ARL15: variants seen among roughly 807,000 people sequenced by gnomAD.
ARL15 encodes ADP-ribosylation factor-like protein 15.
ARL15 carries 19 observed loss-of-function variants against 25.2 expected under a neutral mutation model. The observed-to-expected ratio is 0.75, with a 90% CI of 0.53 to 1.10. The LOEUF (loss-of-function observed/expected upper bound fraction) is 1.10. Among genes scored for constraint, ARL15 ranks in the 50% least tolerant of loss-of-function variants. ARL15 has a pLI of 0.00. For synonymous variants in ARL15, 94 were observed against 86.8 expected (o/e 1.08, Z -0.46); for missense variants, 220 against 246.0 (o/e 0.89, Z 0.71).
At chr5:54,157,369 T>C (rs1754268526) in intron 2 of ARL15, among the ~76,000 whole-genome samples, 1 of 152,202 alleles carries the variant, frequency 6.6e-6, no homozygotes, top group Admixed American at 6.5e-5. Context: ...CTAAAACGTC[T>C]TCAAAAGTTC....
chr5:53,953,972 A>G (rs1235760535), intron 4 of ARL15, among the ~76,000 whole-genome samples: 2 of 152,120 alleles, frequency 1.3e-5, no homozygotes, highest in Non-Finnish European at 2.9e-5. Flanking sequence ...TACATTAAAC[A>G]TATGGTATAA....
intron 1 of ARL15, among the ~76,000 whole-genome samples, chr5:54,177,797 G>A (rs762857522): frequency 9.2e-5 from 14 of 152,094 alleles, no homozygotes; most frequent in Non-Finnish European, 1.5e-4. Flanking sequence ...CTGTTCCTGT[G>A]CACACAGAAT....
intron 4 of ARL15, among the ~76,000 whole-genome samples, chr5:54,081,400 C>T (rs1751791512): frequency 6.6e-6 from 1 of 152,168 alleles, no homozygotes; most frequent in African/African-American, 2.4e-5. Flanking sequence ...TCCCTTACCA[C>T]CGCTCCATCT....
At chr5:54,221,825 GCACACACACACACA>G (rs3035310) in intron 1 of ARL15, among the ~76,000 whole-genome samples, 1,427 of 142,116 alleles carry the variant, frequency 0.01, 18 homozygotes, top group African/African-American at 0.034. Context: ...CAAGAAACAT[GCACACACACACACA>G]CACACACACA....
intron 4 of ARL15, among the ~76,000 whole-genome samples, chr5:54,029,380 C>T (rs1749901632): frequency 7.1e-6 from 1 of 140,282 alleles, no homozygotes; most frequent in Non-Finnish European, 1.5e-5. Flanking sequence ...ACCACCACTA[C>T]ACCTAGAGAA....
chr5:54,007,617 G>C (rs995724983), intron 4 of ARL15, among the ~76,000 whole-genome samples: 1 of 152,104 alleles, frequency 6.6e-6, no homozygotes, highest in Non-Finnish European at 1.5e-5. Context: ...GACCAGCCTG[G>C]GCAAGGTGGT....
chr5:53,954,569 A>G (rs1747082660), intron 4 of ARL15, among the ~76,000 whole-genome samples: 1 of 152,132 alleles, frequency 6.6e-6, no homozygotes, highest in Admixed American at 6.5e-5. Flanking sequence ...TTCACACCAA[A>G]TGCTTGATAA....
intron 4 of ARL15, among the ~76,000 whole-genome samples, chr5:53,948,455 G>C (rs1370025487): frequency 2.0e-5 from 3 of 152,150 alleles, no homozygotes; most frequent in African/African-American, 7.2e-5. Context: ...CGGTATTTGC[G>C]TAACAGTGGT....
At chr5:54,265,287 G>A (rs1317539637) in intron 1 of ARL15, among the ~76,000 whole-genome samples, 1 of 152,092 alleles carries the variant, frequency 6.6e-6, no homozygotes, top group Non-Finnish European at 1.5e-5. Context: ...TGGTTGTTTG[G>A]CCTTCTGTAT....
At position 53,925,685 on chromosome 5, in the gene ARL15, G is replaced by A. The variant is rs538846454; in HGVS notation, c.463-38972C>T. On this transcript the variant is annotated intron_variant, in intron 4 of 4. Coordinates refer to ENST00000504924, the MANE Select transcript of ARL15 (RefSeq NM_019087.3). ...TAACTGGGCATGGTGGCATGTGCCT[G>A]TAGTTCTAGCTACTCTGGAGGCTAA... is the stretch of plus-strand genomic sequence containing the variant. 3.9e-5 allele frequency among the ~76,000 whole-genome samples: 6 copies of A among 152,230 alleles called. No homozygotes were observed. The South Asian group carries it at 1.2e-3, about 32-fold the overall frequency.
At chr5:53,973,206 T>C (rs1378797618) in intron 4 of ARL15, among the ~76,000 whole-genome samples, 1 of 148,070 alleles carries the variant, frequency 6.8e-6, no homozygotes, top group African/African-American at 2.4e-5. Context: ...AGATATAAAC[T>C]TGATTTAAAG....
intron 3 of ARL15, among the ~76,000 whole-genome samples, chr5:54,118,029 G>A (rs979899927): frequency 1.3e-5 from 2 of 152,106 alleles, no homozygotes; most frequent in Admixed American, 6.6e-5. Flanking sequence ...TCCAAATGAC[G>A]AATGCATGAT....
At chr5:54,099,379 C>T (rs544909955) in intron 4 of ARL15, among the ~76,000 whole-genome samples, 4 of 151,942 alleles carry the variant, frequency 2.6e-5, no homozygotes, top group South Asian at 4.2e-4. Context: ...TACATTTTAT[C>T]GGCTAATGAT....
intron 1 of ARL15, among the ~76,000 whole-genome samples, chr5:54,263,672 A>T (rs1277825006): frequency 6.6e-6 from 1 of 152,114 alleles, no homozygotes; most frequent in African/African-American, 2.4e-5. Flanking sequence ...GCATCCATCC[A>T]TCTGAGAAAT....
At chr5:54,211,629 C>A (rs1756045516) in intron 1 of ARL15, among the ~76,000 whole-genome samples, 1 of 151,866 alleles carries the variant, frequency 6.6e-6, no homozygotes, top group South Asian at 2.1e-4. Flanking sequence ...CGCCACCATA[C>A]CTGGCTAATT....
At chr5:54,011,428 T>C (rs1051867685) in intron 4 of ARL15, among the ~76,000 whole-genome samples, 3 of 152,200 alleles carry the variant, frequency 2.0e-5, no homozygotes, top group African/African-American at 7.2e-5. Flanking sequence ...TTTTTGTTGT[T>C]GTTGTTGTTT....
At chr5:54,271,358 A>G (rs964280067) in intron 1 of ARL15, among the ~76,000 whole-genome samples, 3 of 152,334 alleles carry the variant, frequency 2.0e-5, no homozygotes, top group Non-Finnish European at 2.9e-5. Flanking sequence ...TCTCAAATCT[A>G]GATATAAAAT....
chr5:54,141,998 TTG>T (rs1753794730), intron 3 of ARL15, among the ~76,000 whole-genome samples: 1 of 152,236 alleles, frequency 6.6e-6, no homozygotes, highest in African/African-American at 2.4e-5. Flanking sequence ...GTTTCCAGTA[TTG>T]TGTTATTACA....
At chr5:54,052,232 A>G (rs1409243028) in intron 4 of ARL15, among the ~76,000 whole-genome samples, 2 of 152,146 alleles carry the variant, frequency 1.3e-5, no homozygotes, top group African/African-American at 4.8e-5. Context: ...ATTTGCCAAA[A>G]CCCAAAGAAC....
Sources: gnomAD v4.1 joint callset for allele counts (sites outside exome capture counted in the v4.1 genomes callset) on GRCh38, gnomAD v4.1.1 for gene constraint, MANE v1.5 for transcripts, NCBI Gene and HGNC (gene_info 2026-07-23, HGNC 2026-07-21) for gene names.